DACH2: variants seen among roughly 807,000 people sequenced by gnomAD.
DACH2 encodes the protein dachshund homolog 2.
DACH2 carries 17 observed loss-of-function variants against 35.8 expected under a neutral mutation model. That is an observed-to-expected ratio of 0.48 (90% CI 0.33 to 0.71). DACH2 has a LOEUF of 0.71. DACH2 is among the 30% of genes least tolerant of loss of function. The pLI, the probability that DACH2 is intolerant of heterozygous loss-of-function variation, is 0.02. For missense variants in DACH2, 469 were observed against 472.7 expected (o/e 0.99, Z 0.07); for synonymous variants, 195 against 177.3 (o/e 1.10, Z -0.79).
intron 4 of DACH2, among the ~76,000 whole-genome samples, chrX:86,659,350 G>T (rs933693603): frequency 7.2e-5 from 8 of 110,774 alleles, no homozygotes; most frequent in Non-Finnish European, 1.3e-4. Context: ...TGTTTATTAT[G>T]TCTATTCCTA....
At chrX:86,728,707 A>G (rs1199138259) in intron 6 of DACH2, among the ~76,000 whole-genome samples, 1 of 112,624 alleles carries the variant, frequency 8.9e-6, no homozygotes, top group Non-Finnish European at 1.9e-5. Context: ...GCCTCAGCTC[A>G]GAGGACCCCA....
chrX:86,774,981 G>A (rs920132121), intron 7 of DACH2, among the ~76,000 whole-genome samples: 8 of 111,337 alleles, frequency 7.2e-5, no homozygotes, highest in Non-Finnish European at 1.5e-4. Context: ...CCATGTATGC[G>A]CTGTTCTAGG....
intron 1 of DACH2, among the ~76,000 whole-genome samples, chrX:86,158,122 G>T (rs1024301187): frequency 2.7e-5 from 3 of 111,342 alleles, no homozygotes; most frequent in Non-Finnish European, 5.7e-5. Context: ...ATTCTAAAAT[G>T]ATAGTAAATG....
chrX:86,335,421 A>G (rs999937709), intron 1 of DACH2, among the ~76,000 whole-genome samples: 1 of 111,235 alleles, frequency 9.0e-6, no homozygotes, highest in Admixed American at 9.6e-5. Context: ...GTCCTTTCTT[A>G]TTTCCTTGAG....
intron 1 of DACH2, among the ~76,000 whole-genome samples, chrX:86,315,540 A>G (rs1278921283): frequency 8.9e-6 from 1 of 111,842 alleles, no homozygotes; most frequent in Non-Finnish European, 1.9e-5. Flanking sequence ...CTGATGGATC[A>G]AAAAGCCCAT....
chrX:86,159,996 A>C (rs2147862342), intron 1 of DACH2, among the ~76,000 whole-genome samples: 1 of 110,773 alleles, frequency 9.0e-6, no homozygotes. Context: ...TGTTTCCATT[A>C]AAAAGTACTG....
At chrX:86,205,284 A>G (rs1316919746) in intron 1 of DACH2, among the ~76,000 whole-genome samples, 2 of 111,028 alleles carry the variant, frequency 1.8e-5, no homozygotes, top group Admixed American at 9.5e-5. Flanking sequence ...TGTGCCCAAT[A>G]GAAAATGAGT....
chrX:86,807,003 G>C (rs1324545488), intron 7 of DACH2, among the ~76,000 whole-genome samples: 1 of 111,424 alleles, frequency 9.0e-6, no homozygotes, highest in Non-Finnish European at 1.9e-5. Context: ...GCAGTATGTA[G>C]TCTTGACAAT....
chrX:86,387,018 G>A (rs186469510), intron 2 of DACH2, among the ~76,000 whole-genome samples: 1 of 111,512 alleles, frequency 9.0e-6, no homozygotes, highest in African/African-American at 3.3e-5. Flanking sequence ...ACATCCAGCA[G>A]CAAGAAAAGA....
intron 2 of DACH2, among the ~76,000 whole-genome samples, chrX:86,433,527 G>C (rs1281355335): frequency 9.0e-6 from 1 of 111,530 alleles, no homozygotes; most frequent in African/African-American, 3.3e-5. Context: ...TCATTCTTCT[G>C]TATACAAGGC....
At chrX:86,226,819 C>A (rs2032835337) in intron 1 of DACH2, among the ~76,000 whole-genome samples, 1 of 111,161 alleles carries the variant, frequency 9.0e-6, no homozygotes, top group Non-Finnish European at 1.9e-5. Flanking sequence ...AAAAAATTTG[C>A]ATATTGTTTA....
intron 1 of DACH2, among the ~76,000 whole-genome samples, chrX:86,179,332 C>T (rs1602258213): frequency 8.9e-6 from 1 of 111,992 alleles, no homozygotes; most frequent in African/African-American, 3.2e-5. Context: ...GTATCTTTAC[C>T]TTCTTTTTAT....
At chrX:86,439,043 C>T (rs1434996003) in intron 2 of DACH2, among the ~76,000 whole-genome samples, 2 of 112,174 alleles carry the variant, frequency 1.8e-5, no homozygotes, top group Non-Finnish European at 3.8e-5. Flanking sequence ...TCTTCACATC[C>T]TTGCCAGCAC....
intron 5 of DACH2, among the ~76,000 whole-genome samples, chrX:86,712,460 T>C (rs1236793396): frequency 1.8e-5 from 2 of 110,551 alleles, no homozygotes; most frequent in African/African-American, 6.6e-5. Context: ...GAATGACAAG[T>C]GTTTGAGGTA....
intron 1 of DACH2, among the ~76,000 whole-genome samples, chrX:86,358,103 C>G (rs2035671991): frequency 9.0e-6 from 1 of 111,570 alleles, no homozygotes; most frequent in African/African-American, 3.3e-5. Context: ...ACTTCATCAC[C>G]TTGTATTTTC....
Position 86,262,832 on chromosome X carries a change from A to ACC in DACH2, c.488+113725_488+113726dup, listed in dbSNP as rs984221330. The ACC allele has an allele frequency of 8.4e-5, 16 of 190,588 alleles. No homozygotes were observed. In the Admixed American group the frequency reaches 1.3e-3, roughly 16 times the overall value. The allele number at this position is 190,588 out of a possible 1,213,427, so 15.7% of individuals were successfully genotyped here. On this transcript the variant is annotated intron_variant, in intron 1 of 11. Transcript: ENST00000373125. ...TTGCAACATGTACATGAAAATTAAAACCATTGGTTGCAGGGATGAACAAAT... is the reference window on the plus strand; with the variant it reads ...TTGCAACATGTACATGAAAATTAAAACCCCATTGGTTGCAGGGATGAACAAAT...
At chrX:86,780,957 G>A (rs1325310814) in intron 7 of DACH2, among the ~76,000 whole-genome samples, 1 of 111,428 alleles carries the variant, frequency 9.0e-6, no homozygotes, top group Non-Finnish European at 1.9e-5. Context: ...TTAGGGAGGG[G>A]ATGTTGCCAC....
At chrX:86,696,658 G>C (rs1283935929) in intron 5 of DACH2, among the ~76,000 whole-genome samples, 2 of 111,783 alleles carry the variant, frequency 1.8e-5, no homozygotes, top group African/African-American at 6.5e-5. Flanking sequence ...AGCTCATAAG[G>C]AGAAGAAGCC....
At position 86,640,441 on chromosome X, in the gene DACH2, G is replaced by T. The variant is rs765335951; in HGVS notation, c.641-10595G>T. Among the ~76,000 whole-genome samples, 325 of 111,553 alleles carry T rather than the reference G, an allele frequency of 2.9e-3. 2 individuals carry two copies. Among genetic ancestry groups the T allele is most frequent in the African/African-American group, 0.01 (310 of 30,692 alleles). ...TTCATAACCAGACAGTAAACCCCTG[G>T]CTTGGGCCCAAAGCACAAACCTTCT... On this transcript the variant is annotated intron_variant, in intron 3 of 11. Coordinates refer to ENST00000373125, the MANE Select transcript of DACH2 (RefSeq NM_053281.3).
Sources: allele counts gnomAD v4.1 joint callset (sites outside exome capture counted in the v4.1 genomes callset), GRCh38; gene constraint gnomAD v4.1.1; transcripts MANE v1.5; gene names NCBI Gene and HGNC (gene_info 2026-07-23, HGNC 2026-07-21).